Variants in PDCD2L observed in about 807,000 individuals in gnomAD.
PDCD2L encodes the protein programmed cell death 2 like.
PDCD2L carries 44 observed loss-of-function variants against 40.4 expected under a neutral mutation model. That is an observed-to-expected ratio of 1.09 (90% confidence interval 0.86 to 1.40). The LOEUF is 1.40. Among genes scored for constraint, PDCD2L ranks in the 40% most tolerant of loss-of-function variants. The pLI is 0.00. For synonymous variants in PDCD2L, 194 were observed against 174.6 expected (o/e 1.11, Z -0.88); for missense variants, 470 against 453.7 (o/e 1.04, Z -0.33).
intron 5 of PDCD2L, among the ~76,000 whole-genome samples, chr19:34,420,627 A>AT (rs991660852): frequency 5.1e-4 from 76 of 149,744 alleles, no homozygotes; most frequent in African/African-American, 1.6e-3. Flanking sequence ...GTCTCTACAA[A>AT]TTTTTTTTTT....
chr19:34,414,249 C>T (rs1027843854), intron 5 of PDCD2L, among the ~76,000 whole-genome samples: 1 of 151,372 alleles, frequency 6.6e-6, no homozygotes, highest in Non-Finnish European at 1.5e-5. Context: ...GATCTTGGCT[C>T]AATGCAACCT....
rs1194750401 is a variant in PDCD2L, at chr19:34,404,755, A to G, written c.215A>G (p.His72Arg). 8 of 1,611,126 alleles carry G rather than the reference A, an allele frequency of 5.0e-6. No individual in the cohort carries two copies. Among genetic ancestry groups the G allele is most frequent in the Non-Finnish European group, 6.8e-6 (8 of 1,179,532 alleles). The change falls in exon 2 of 7, where the codon CAC (histidine) becomes CGC (arginine). Residue 72 changes from histidine (H) to arginine (R), a missense_variant. His to Arg is a conservative substitution (Grantham distance 29). Coordinates refer to ENST00000246535, the MANE Select transcript of PDCD2L (RefSeq NM_032346.2). The part of the protein sequence containing the change: ...VYCPLEGSPF[H>R]RLLHVFACAC... ...TGCCCGCTGGAAGGCTCCCCGTTTC[A>G]CCGTCTGCTGCACGTGTTCGCGTGC...
intron 5 of PDCD2L, among the ~76,000 whole-genome samples, chr19:34,416,457 C>T (rs1267279382): frequency 6.6e-6 from 1 of 152,164 alleles, no homozygotes; most frequent in Non-Finnish European, 1.5e-5. Flanking sequence ...TGGGATCTTT[C>T]TCAACATACA....
intron 4 of PDCD2L, 140 bp from the exon 5 acceptor site, chr19:34,413,597 A>T (rs1198872831): frequency 2.1e-6 from 1 of 469,480 alleles, no homozygotes; most frequent in East Asian, 4.0e-5. Context: ...TCGGCCTCCC[A>T]AAGTGCTGAG....
Position 34,418,978 on chromosome 19 carries a change from A to G in PDCD2L, c.798-2541A>G, listed in dbSNP as rs540529548. The stretch of plus-strand genomic sequence containing the variant: ...TTGTTTGTGTTACTGAGTTGTAGGA[A>G]TTCTTCATATGGTCAAGAGTACAAG... On this transcript the variant is annotated intron_variant, in intron 5 of 6. Transcript: ENST00000246535. Among the ~76,000 whole-genome samples, 11 of 152,266 alleles carry G rather than the reference A, an allele frequency of 7.2e-5. No homozygotes were observed. The South Asian group carries it at 1.9e-3, about 26-fold the overall frequency.
At chr19:34,420,637 T>A (rs986434636) in intron 5 of PDCD2L, among the ~76,000 whole-genome samples, 7 of 151,518 alleles carry the variant, frequency 4.6e-5, no homozygotes, top group East Asian at 1.9e-4. Context: ...ATTTTTTTTT[T>A]AAAAACTAGC....
chr19:34,404,648 G>C lies in PDCD2L; in HGVS notation c.109-1G>C. On this transcript the variant is annotated splice_acceptor_variant, in intron 1 of 6. Coordinates refer to ENST00000246535, the MANE Select transcript of PDCD2L (RefSeq NM_032346.2). LOFTEE classifies it high-confidence loss of function. Reference sequence around the variant, plus strand: ...TCTGAGCGCCTCCTCTGTCCCCTCAGGATGCTCTGCCCACCGTGGCTGCGC... The same window carrying C: ...TCTGAGCGCCTCCTCTGTCCCCTCACGATGCTCTGCCCACCGTGGCTGCGC... 1 of 1,610,330 alleles carries C rather than the reference G, an allele frequency of 6.2e-7. No homozygotes were observed. The highest frequency in any genetic ancestry group is 8.5e-7 in the Non-Finnish European group (1 of 1,179,470).
chr19:34,408,509 G>T (rs2075087404), intron 3 of PDCD2L, among the ~76,000 whole-genome samples: 1 of 152,114 alleles, frequency 6.6e-6, no homozygotes, highest in African/African-American at 2.4e-5. Context: ...AGCTGAGACA[G>T]ACTTAACACA....
rs2075064827 is a variant in PDCD2L, at chr19:34,404,728, AT to A, written c.190del (p.Cys64AlafsTer93). 4 of 1,612,196 alleles carry A rather than the reference AT, an allele frequency of 2.5e-6. No homozygotes were observed. In the African/African-American group the frequency reaches 5.3e-5, roughly 22 times the overall value. On this transcript the variant is annotated frameshift_variant, in exon 2 of 7. Transcript: ENST00000246535. LOFTEE classifies it high-confidence loss of function. ...CCGCTCGCTCTGGTCGTGCAGGTGTATTGCCCGCTGGAAGGCTCCCCGTTTC... is the reference window on the plus strand; with the variant it reads ...CCGCTCGCTCTGGTCGTGCAGGTGTATGCCCGCTGGAAGGCTCCCCGTTTC... ...GQPLALVVQVYCPLEGSPFHR... is the reference protein window; with the variant it reads ...GQPLALVVQVXCPLEGSPFHR...
At chr19:34,409,079 G>T (rs931730847) in intron 3 of PDCD2L, 82 bp from the exon 4 acceptor site, 1 of 1,291,030 alleles carries the variant, frequency 7.7e-7, no homozygotes, top group Non-Finnish European at 1.1e-6. Flanking sequence ...TCTGGAAGGC[G>T]CGGCGGTGGG....
At chr19:34,417,557 G>C (rs991010978) in intron 5 of PDCD2L, among the ~76,000 whole-genome samples, 2 of 151,608 alleles carry the variant, frequency 1.3e-5, no homozygotes, top group Non-Finnish European at 2.9e-5. Flanking sequence ...GCAGTCGACC[G>C]AGACTGCGCC....
At chr19:34,405,428 G>C (rs892169554) in intron 3 of PDCD2L, among the ~76,000 whole-genome samples, 12 of 150,430 alleles carry the variant, frequency 8.0e-5, no homozygotes, top group Non-Finnish European at 1.8e-4. Context: ...TTACAGGCAT[G>C]AGCCACCGCG....
chr19:34,419,726 T>A (rs1267449471), intron 5 of PDCD2L, among the ~76,000 whole-genome samples: 1 of 151,162 alleles, frequency 6.6e-6, no homozygotes, highest in Non-Finnish European at 1.5e-5. Context: ...ATTTTTAGTT[T>A]ACTATTTTGT....
At chr19:34,421,493 C>T (rs76453424) in intron 5 of PDCD2L, 26 bp from the exon 6 acceptor site, 67,632 of 1,611,686 alleles carry the variant, frequency 0.042, 2,073 homozygotes, top group Admixed American at 0.15. Flanking sequence ...GGCTCTGATT[C>T]GGGGTTCTTT....
Position 34,404,407 on chromosome 19 carries a change from T to G in PDCD2L, c.-24T>G, listed in dbSNP as rs1390215773. 6 of 1,536,742 alleles carry G rather than the reference T, an allele frequency of 3.9e-6. No individual in the cohort carries two copies. Among genetic ancestry groups the G allele is most frequent in the Non-Finnish European group, 5.3e-6 (6 of 1,141,922 alleles). On this transcript the variant is annotated 5_prime_UTR_variant, in exon 1 of 7. Transcript: ENST00000246535. ...CGCAGAGAGGCCGCCGTAGTTTGCG[T>G]TTTCACCTGGTCGCCCGGCGGCCAT...
At chr19:34,411,195 T>TTGC (rs1380066163) in intron 4 of PDCD2L, among the ~76,000 whole-genome samples, 1 of 149,128 alleles carries the variant, frequency 6.7e-6, no homozygotes, top group East Asian at 1.9e-4. Context: ...AGATGGGATC[T>TTGC]TGCTTTGTTT....
At position 34,409,178 on chromosome 19, in the gene PDCD2L, T is replaced by G; in HGVS notation, c.354T>G (p.Leu118=). ...TTTTCCAGAAACAGGGAAACAGCCT[T>G]GCAGCTGAGGACTGGTGTGAAGGTG... ...AQDAQKQGNS[L]AAEDWCEGAD... The change falls in exon 4 of 7, where the codon CTT becomes CTG. Residue 118 remains leucine (L), a synonymous_variant. Transcript: ENST00000246535. 6.2e-7 allele frequency: 1 copy of G among 1,610,554 alleles called. No homozygotes were observed. The highest frequency in any genetic ancestry group is 8.5e-7 in the Non-Finnish European group (1 of 1,176,934).
At chr19:34,417,684 CTT>C (rs1457952200) in intron 5 of PDCD2L, among the ~76,000 whole-genome samples, 1 of 151,472 alleles carries the variant, frequency 6.6e-6, no homozygotes, top group African/African-American at 2.4e-5. Flanking sequence ...AGAGGAAAGA[CTT>C]GAGCTAATCC....
intron 6 of PDCD2L, among the ~76,000 whole-genome samples, chr19:34,423,491 C>CTTT (rs547306985): frequency 6.2e-5 from 7 of 113,082 alleles, no homozygotes; most frequent in Admixed American, 1.0e-4. Flanking sequence ...GACCCAGTAT[C>CTTT]TTTTTTTTTT....
Sources: gnomAD v4.1 joint callset for allele counts (sites outside exome capture counted in the v4.1 genomes callset) on GRCh38, gnomAD v4.1.1 for gene constraint, MANE v1.5 for transcripts, NCBI Gene and HGNC (gene_info 2026-07-23, HGNC 2026-07-21) for gene names.